F5: variants seen among roughly 807,000 people sequenced by gnomAD.
The protein encoded by F5 is activated protein c cofactor.
F5 carries 138 observed loss-of-function variants against 216.4 expected under a neutral mutation model. That is an observed-to-expected ratio of 0.64 (90% confidence interval 0.56 to 0.73). F5 has a LOEUF of 0.73. F5 is among the 30% of genes least tolerant of loss of function. F5 has a pLI of 0.00. For missense variants in F5, 2,403 were observed against 2,674.0 expected (o/e 0.90, Z 2.24); for synonymous variants, 916 against 930.7 (o/e 0.98, Z 0.29).
intron 10 of F5, among the ~76,000 whole-genome samples, chr1:169,549,182 G>A (rs1660096021): frequency 3.9e-5 from 6 of 152,056 alleles, no homozygotes; most frequent in Admixed American, 3.9e-4. Flanking sequence ...AGCATAATTG[G>A]GAATTTTAGT....
chr1:169,516,321 G>T (rs1360815925), intron 23 of F5, among the ~76,000 whole-genome samples: 1 of 152,170 alleles, frequency 6.6e-6, no homozygotes, highest in African/African-American at 2.4e-5. Context: ...TTTGGAGAAA[G>T]ATCAGAAGGT....
At chr1:169,547,519 G>A (rs1236473021) in intron 10 of F5, among the ~76,000 whole-genome samples, 2 of 152,104 alleles carry the variant, frequency 1.3e-5, no homozygotes, top group Non-Finnish European at 2.9e-5. Context: ...CCATTAAAAA[G>A]TAGGCCAAGG....
intron 21 of F5, among the ~76,000 whole-genome samples, chr1:169,522,485 A>G (rs1455197718): frequency 6.6e-6 from 1 of 152,218 alleles, no homozygotes; most frequent in Non-Finnish European, 1.5e-5. Context: ...AAGAACCATA[A>G]TTTAGGATTT....
At chr1:169,555,767 C>T (rs1353293840) in intron 6 of F5, among the ~76,000 whole-genome samples, 1 of 151,804 alleles carries the variant, frequency 6.6e-6, no homozygotes, top group Non-Finnish European at 1.5e-5. Context: ...ACATAATGCA[C>T]TTATCCTCAA....
Position 169,546,977 on chromosome 1 carries a change from AAAAAAAGAAAAG to A in F5, c.1612-397_1612-386del, listed in dbSNP as rs749600032. Reference sequence around the variant, plus strand: ...AAACCCGTCTCTACTAAAAAAAAAAAAAAAAAGAAAAGAAAAGAAAAGAAAAGAAAATTAGCC... The same window carrying A: ...AAACCCGTCTCTACTAAAAAAAAAAAAAAAGAAAAGAAAAGAAAATTAGCC... On this transcript the variant is annotated intron_variant, in intron 10 of 24. Transcript: ENST00000367797. 1.1e-4 allele frequency among the ~76,000 whole-genome samples: 16 copies of A among 140,612 alleles called. No individual in the cohort carries two copies. The East Asian group carries it at 1.6e-3, about 14-fold the overall frequency. The allele number at this position is 140,612 out of a possible 152,430, so 92.2% of individuals were successfully genotyped here.
At chr1:169,557,003 C>T (rs1339492931) in intron 5 of F5, 136 bp from the exon 6 acceptor site, 3 of 778,894 alleles carry the variant, frequency 3.9e-6, no homozygotes, top group Non-Finnish European at 6.4e-6. Context: ...ACAGACACTC[C>T]AGTTGTAGTT....
At chr1:169,560,527 T>C in intron 4 of F5, 27 bp downstream of exon 4, 3 of 1,608,490 alleles carry the variant, frequency 1.9e-6, no homozygotes, top group Non-Finnish European at 2.6e-6. Flanking sequence ...ATTTAGTTGT[T>C]GAATCTTTTG....
In F5 at chr1:169,552,689, T is replaced by G. The variant is rs774126971; in HGVS notation, c.1164A>C (p.Gly388=). ...QHLDNFSNQI[G]KHYKKVMYTQ... ...TGTACATAACTTTCTTATAATGTTT[T>G]CCAATTTGGTTTGAGAAATTATCCA... Residue 388 remains glycine (G), a synonymous_variant, in exon 8 of 25, where the codon GGA becomes GGC. Coordinates refer to ENST00000367797, the MANE Select transcript of F5 (RefSeq NM_000130.5). 5 of 1,612,872 alleles carry G rather than the reference T, an allele frequency of 3.1e-6. No individual in the cohort carries two copies. Among genetic ancestry groups the G allele is most frequent in the Non-Finnish European group, 3.4e-6 (4 of 1,179,638 alleles).
rs1343659706 is a variant in F5, at chr1:169,555,246, A to G, written c.1054T>C (p.Tyr352His). The change falls in exon 7 of 25, where the codon TAC (tyrosine) becomes CAC (histidine). Residue 352 changes from tyrosine to histidine, a missense_variant. Tyr to His is a moderately conservative substitution (Grantham distance 83). Around this residue, in one of 4 missense-constraint regions of F5, gnomAD observed 1,425 missense variants for 1,554.8 expected, o/e 0.92. Transcript: ENST00000367797. Reference sequence around the variant, plus strand: ...ATGACTTCCTCTGCAGCAATGAAGTATTCCCACCTCTTCATGTGCCGCCTC... The same window carrying G: ...ATGACTTCCTCTGCAGCAATGAAGTGTTCCCACCTCTTCATGTGCCGCCTC... ...EQRRHMKRWE[Y>H]FIAAEEVIWD... 6.2e-7 allele frequency: 1 copy of G among 1,614,068 alleles called. No homozygotes were observed. Among genetic ancestry groups the G allele is most frequent in the Non-Finnish European group, 8.5e-7 (1 of 1,179,950 alleles).
chr1:169,535,327 T>C (rs558144339), intron 14 of F5, among the ~76,000 whole-genome samples: 10 of 152,196 alleles, frequency 6.6e-5, no homozygotes, highest in Non-Finnish European at 1.3e-4. Context: ...TATCCTGTCT[T>C]TATTCACAAT....
In F5 at chr1:169,550,743, C is replaced by A. The variant is rs1660148977; in HGVS notation, c.1297-4G>T. The A allele has an allele frequency of 6.2e-7, 1 of 1,602,526 alleles. No individual in the cohort carries two copies. On this transcript the variant is annotated splice_region_variant and splice_polypyrimidine_tract_variant and intron_variant, in intron 8 of 24. Transcript: ENST00000367797. ...TGGCCATATTTTTGAACACGATCTA[C>A]AAAGTTAAATCAAATTTATTCTAGG... is the stretch of plus-strand genomic sequence containing the variant.
At chr1:169,549,713 T>C (rs1478344943) in intron 10 of F5, 88 bp downstream of exon 10, 1 of 882,604 alleles carries the variant, frequency 1.1e-6, no homozygotes, top group Non-Finnish European at 1.9e-6. Context: ...TTGAAGGAAA[T>C]GCCCCATTAT....
Position 169,555,270 on chromosome 1 carries a change from T to C in F5, c.1030A>G (p.Arg344Gly). 6.2e-7 allele frequency: 1 copy of C among 1,614,154 alleles called. No homozygotes were observed. Among genetic ancestry groups the C allele is most frequent in the South Asian group, 1.1e-5 (1 of 91,084 alleles). The change falls in exon 7 of 25, where the codon AGG becomes GGG. Residue 344 changes from arginine to glycine, a missense_variant. By Grantham distance (125) the Arg-to-Gly change is moderately radical. Transcript: ENST00000367797. ...TATTCCCACCTCTTCATGTGCCGCC[T>C]CTGCTCACGAGTTATTTTCTTAAGA... ...RNLKKITREQRRHMKRWEYFI... is the reference protein window; with the variant it reads ...RNLKKITREQGRHMKRWEYFI...
At chr1:169,564,427 C>A (rs1418352297) in intron 3 of F5, among the ~76,000 whole-genome samples, 1 of 152,028 alleles carries the variant, frequency 6.6e-6, no homozygotes, top group Admixed American at 6.6e-5. Flanking sequence ...TGTCTGGGTT[C>A]TCCCTGCTTG....
At chr1:169,572,562 G>C (rs1660750328) in intron 2 of F5, among the ~76,000 whole-genome samples, 1 of 152,150 alleles carries the variant, frequency 6.6e-6, no homozygotes, top group African/African-American at 2.4e-5. Context: ...CACTTGTCCT[G>C]GACCCAAAAG....
At chr1:169,536,824 T>C in intron 13 of F5, 144 bp from the exon 14 acceptor site, 1 of 642,994 alleles carries the variant, frequency 1.6e-6, no homozygotes, top group Non-Finnish European at 2.7e-6. Context: ...AATATATAAG[T>C]GGATAAAAAC....
intron 22 of F5, among the ~76,000 whole-genome samples, chr1:169,520,110 T>C (rs1274862498): frequency 1.3e-5 from 2 of 152,148 alleles, no homozygotes; most frequent in African/African-American, 4.8e-5. Context: ...AAAACACTCA[T>C]TGAACACCAT....
intron 14 of F5, among the ~76,000 whole-genome samples, chr1:169,533,732 A>C (rs940117116): frequency 6.6e-6 from 1 of 152,154 alleles, no homozygotes; most frequent in African/African-American, 2.4e-5. Context: ...TATTAGTACA[A>C]AGTCAAAAAA....
rs1164821473 is a variant in F5 at position 169,546,573 on chromosome 1, T to C, written c.1631A>G (p.Gln544Arg). 7.4e-6 allele frequency: 12 copies of C among 1,614,046 alleles called. No individual in the cohort carries two copies. The highest frequency in any genetic ancestry group is 1.6e-4 in the Middle Eastern group (1 of 6,084). Reference protein sequence around the residue: ...RGIQRAADIEQQAVFAVFDEN... With the variant: ...RGIQRAADIERQAVFAVFDEN... ...ATCAAACACAGCAAACACAGCCTGC[T>C]GTTCGATGTCTGCTGCCCTCTGGAG... The change falls in exon 11 of 25, where the codon CAG becomes CGG. Residue 544 changes from glutamine (Q) to arginine (R), a missense_variant. Physicochemically the swap from Gln to Arg is conservative, Grantham distance 43. This residue lies in a region of F5 where 1,425 missense variants were observed against 1,554.8 expected (regional missense o/e 0.92). Transcript: ENST00000367797.
Sources: allele counts gnomAD v4.1 joint callset (sites outside exome capture counted in the v4.1 genomes callset), GRCh38; gene constraint gnomAD v4.1.1; regional missense constraint gnomAD v4.1.1; transcripts MANE v1.5; gene names NCBI Gene and HGNC (gene_info 2026-07-23, HGNC 2026-07-21).